BLTP1: variants seen among roughly 807,000 people sequenced by gnomAD.
BLTP1 encodes fragile site-associated protein.
At chr4:122,242,888 C>A in the BLTP1 span, 1 of 698,802 alleles carries the variant, frequency 1.4e-6, no homozygotes, top group South Asian at 2.2e-5. Context: ...ATGTTTATAT[C>A]AAATATATCA....
chr4:122,214,384 G>C, the BLTP1 span: 2 of 960,236 alleles, frequency 2.1e-6, no homozygotes, highest in African/African-American at 3.5e-5. Flanking sequence ...CATTTTCTCG[G>C]TTCTATAAGC....
the BLTP1 span, among the ~76,000 whole-genome samples, chr4:122,208,856 A>T: frequency 2.0e-5 from 3 of 151,878 alleles, no homozygotes; most frequent in African/African-American, 7.3e-5. Flanking sequence ...AGCCTTGGCA[A>T]CACAGCAAGA....
the BLTP1 span, chr4:122,214,197 A>G: frequency 1.0e-6 from 1 of 967,954 alleles, no homozygotes; most frequent in Non-Finnish European, 1.2e-6. Flanking sequence ...GCATCATTGG[A>G]TAAGTATACA....
chr4:122,249,830 G>A, the BLTP1 span: 5 of 1,418,340 alleles, frequency 3.5e-6, no homozygotes, highest in Non-Finnish European at 3.7e-6. Flanking sequence ...CCGGGGGTGA[G>A]TGCCTCATAC....
the BLTP1 span, among the ~76,000 whole-genome samples, chr4:122,320,064 G>GAC: frequency 3.8e-4 from 58 of 152,128 alleles, no homozygotes; most frequent in African/African-American, 1.3e-3. Flanking sequence ...TCTGATAAAG[G>GAC]GTTATTGAGT....
chr4:122,193,885 C>T, the BLTP1 span, among the ~76,000 whole-genome samples: 4 of 151,548 alleles, frequency 2.6e-5, no homozygotes, highest in African/African-American at 4.8e-5. Context: ...TTTTTTGAGA[C>T]GGAGTCTCGC....
chr4:122,175,283 T>C, the BLTP1 span: 1 of 984,244 alleles, frequency 1.0e-6, no homozygotes, highest in South Asian at 4.7e-5. Context: ...TAGTCTAAAA[T>C]TATTTCCCAA....
the BLTP1 span, among the ~76,000 whole-genome samples, chr4:122,176,636 A>G: frequency 1.3e-5 from 2 of 152,012 alleles, no homozygotes; most frequent in East Asian, 1.9e-4. Flanking sequence ...TTGTTAAACA[A>G]TTTTTCAGGT....
the BLTP1 span, among the ~76,000 whole-genome samples, chr4:122,288,452 G>A: frequency 6.6e-6 from 1 of 152,030 alleles, no homozygotes; most frequent in Admixed American, 6.6e-5. Context: ...AGGCCAAAGT[G>A]GGCGGATCGC....
chr4:122,220,639 T>A, the BLTP1 span, among the ~76,000 whole-genome samples: 3 of 152,202 alleles, frequency 2.0e-5, no homozygotes, highest in African/African-American at 7.2e-5. Context: ...GTATGAGAGT[T>A]GTTTCAAGAA....
chr4:122,259,744 C>CA, the BLTP1 span: 1 of 154,514 alleles, frequency 6.5e-6, no homozygotes, highest in African/African-American at 2.4e-5. Flanking sequence ...CCTGTAATCC[C>CA]AGCTACTCGG....
the BLTP1 span, chr4:122,194,849 C>T: frequency 4.9e-6 from 1 of 202,668 alleles, no homozygotes; most frequent in Admixed American, 6.6e-5. Context: ...TTTCCACTGC[C>T]AGGAGAGAAG....
the BLTP1 span, among the ~76,000 whole-genome samples, chr4:122,173,627 C>T: frequency 0.028 from 4,301 of 152,184 alleles, 136 homozygotes; most frequent in African/African-American, 0.08. Context: ...ATTTCATGAA[C>T]AGATAGTAGC....
At chr4:122,230,190 C>A in the BLTP1 span, 1 of 1,613,736 alleles carries the variant, frequency 6.2e-7, no homozygotes, top group Non-Finnish European at 8.5e-7. Context: ...TTCTTAGAAA[C>A]TCATGATGCC....
chr4:122,210,424 AATG>A, the BLTP1 span, among the ~76,000 whole-genome samples: 1 of 152,140 alleles, frequency 6.6e-6, no homozygotes, highest in Non-Finnish European at 1.5e-5. Context: ...ATTAGAGCCA[AATG>A]ATGATGTTTT....
chr4:122,183,447 G>A, the BLTP1 span: 2 of 984,092 alleles, frequency 2.0e-6, no homozygotes, highest in Non-Finnish European at 2.4e-6. Context: ...AGTGTCATTA[G>A]GCTTATAGCT....
the BLTP1 span, chr4:122,229,001 T>G: frequency 1.2e-6 from 1 of 840,780 alleles, no homozygotes; most frequent in East Asian, 2.9e-5. Context: ...GAAATTAGAC[T>G]GATTTTTAAA....
chr4:122,251,186 T>C, the BLTP1 span: 2 of 890,558 alleles, frequency 2.2e-6, no homozygotes, highest in Non-Finnish European at 2.7e-6. Flanking sequence ...GGTCATGTTA[T>C]TGACCTTGCA....
the BLTP1 span, chr4:122,327,803 G>C: frequency 6.2e-6 from 1 of 160,650 alleles, no homozygotes; most frequent in African/African-American, 2.4e-5. Context: ...TGTTTCTTTT[G>C]CTTCCACATG....
Sources: gnomAD v4.1 joint callset for allele counts (sites outside exome capture counted in the v4.1 genomes callset) on GRCh38, gnomAD v4.1.1 for gene constraint, MANE v1.5 for transcripts, NCBI Gene and HGNC (gene_info 2026-07-23, HGNC 2026-07-21) for gene names.